The following SLC35D4 variants were observed in gnomAD, a reference collection of about 807,000 sequenced individuals.
SLC35D4 encodes solute carrier family 35 member D4.
At chr18:23,335,073 G>A in the SLC35D4 span, among the ~76,000 whole-genome samples, 2 of 151,926 alleles carry the variant, frequency 1.3e-5, no homozygotes, top group African/African-American at 4.8e-5. Flanking sequence ...TGTAAGAGAG[G>A]AGAGCAATTT....
At chr18:23,396,638 G>T in the SLC35D4 span, among the ~76,000 whole-genome samples, 1 of 152,012 alleles carries the variant, frequency 6.6e-6, no homozygotes, top group Non-Finnish European at 1.5e-5. Context: ...CTCTCAGCAG[G>T]GTGCATGGCC....
chr18:23,269,989 A>C, the SLC35D4 span, among the ~76,000 whole-genome samples: 1 of 152,246 alleles, frequency 6.6e-6, no homozygotes, highest in Non-Finnish European at 1.5e-5. Context: ...TAGCTGTATA[A>C]ATTTGCATAA....
At chr18:23,285,339 G>A in the SLC35D4 span, among the ~76,000 whole-genome samples, 1 of 151,362 alleles carries the variant, frequency 6.6e-6, no homozygotes, top group African/African-American at 2.4e-5. Context: ...CCCTTAGCCT[G>A]TGTTCTTAAG....
the SLC35D4 span, among the ~76,000 whole-genome samples, chr18:23,403,136 G>A: frequency 6.6e-6 from 1 of 152,056 alleles, no homozygotes; most frequent in Non-Finnish European, 1.5e-5. Context: ...AAGATTCCCT[G>A]ATTTATGTGA....
chr18:23,436,047 T>C, the SLC35D4 span, among the ~76,000 whole-genome samples: 13 of 150,196 alleles, frequency 8.7e-5, no homozygotes, highest in Admixed American at 3.3e-4. Context: ...TTTTTTTTTT[T>C]TTTTTTGAAA....
the SLC35D4 span, among the ~76,000 whole-genome samples, chr18:23,394,370 A>G: frequency 6.6e-6 from 1 of 152,178 alleles, no homozygotes; most frequent in Non-Finnish European, 1.5e-5. Flanking sequence ...AGAAATACCT[A>G]TTCAAGTCCT....
chr18:23,383,441 A>G, the SLC35D4 span, among the ~76,000 whole-genome samples: 1 of 151,768 alleles, frequency 6.6e-6, no homozygotes, highest in Non-Finnish European at 1.5e-5. Flanking sequence ...AGCGGGGGGA[A>G]TGGTGGAAAC....
chr18:23,285,657 G>C, the SLC35D4 span, among the ~76,000 whole-genome samples: 1 of 151,802 alleles, frequency 6.6e-6, no homozygotes, highest in Non-Finnish European at 1.5e-5. Flanking sequence ...CCCAAACGTC[G>C]CTGAGTCTTT....
chr18:23,261,744 C>A, the SLC35D4 span, among the ~76,000 whole-genome samples: 1 of 152,226 alleles, frequency 6.6e-6, no homozygotes, highest in Non-Finnish European at 1.5e-5. Context: ...CACCTTCTTA[C>A]AAAATAGGCT....
the SLC35D4 span, among the ~76,000 whole-genome samples, chr18:23,386,452 C>T: frequency 1.3e-5 from 2 of 152,112 alleles, no homozygotes; most frequent in Non-Finnish European, 2.9e-5. Flanking sequence ...CAGATTATCC[C>T]CTAGAGGCTC....
the SLC35D4 span, among the ~76,000 whole-genome samples, chr18:23,247,320 C>T: frequency 6.6e-6 from 1 of 152,258 alleles, no homozygotes; most frequent in Non-Finnish European, 1.5e-5. Flanking sequence ...GGACTGTCAT[C>T]CCCTCTGGAA....
At chr18:23,388,493 A>C in the SLC35D4 span, among the ~76,000 whole-genome samples, 1 of 152,232 alleles carries the variant, frequency 6.6e-6, no homozygotes, top group Admixed American at 6.5e-5. Flanking sequence ...AGGCCTGTCT[A>C]ACAGCAAAGC....
chr18:23,417,499 G>A, the SLC35D4 span, among the ~76,000 whole-genome samples: 1 of 152,106 alleles, frequency 6.6e-6, no homozygotes, highest in African/African-American at 2.4e-5. Flanking sequence ...AGCAGAACAG[G>A]GGTTACTAGG....
the SLC35D4 span, among the ~76,000 whole-genome samples, chr18:23,270,483 T>C: frequency 6.6e-6 from 1 of 152,156 alleles, no homozygotes; most frequent in African/African-American, 2.4e-5. Context: ...CACCGCCTAG[T>C]GGAACCATGA....
the SLC35D4 span, among the ~76,000 whole-genome samples, chr18:23,285,436 G>A: frequency 6.6e-6 from 1 of 151,950 alleles, no homozygotes; most frequent in African/African-American, 2.4e-5. Flanking sequence ...GAGACAAACT[G>A]GACAGTAGTT....
At chr18:23,320,388 G>T in the SLC35D4 span, among the ~76,000 whole-genome samples, 9 of 152,116 alleles carry the variant, frequency 5.9e-5, no homozygotes, top group Non-Finnish European at 1.2e-4. Context: ...GCACTGGATT[G>T]TCTCATTATT....
At chr18:23,345,321 A>G in the SLC35D4 span, among the ~76,000 whole-genome samples, 87 of 151,960 alleles carry the variant, frequency 5.7e-4, no homozygotes, top group Non-Finnish European at 1.1e-3. Flanking sequence ...GTCTCTACTA[A>G]AAATACAAAA....
the SLC35D4 span, chr18:23,385,093 T>G: frequency 1.3e-6 from 2 of 1,596,690 alleles, no homozygotes; most frequent in Non-Finnish European, 1.7e-6. Flanking sequence ...ATAAAAAACA[T>G]GAAAATATTT....
chr18:23,305,965 G>A, the SLC35D4 span, among the ~76,000 whole-genome samples: 2 of 152,166 alleles, frequency 1.3e-5, no homozygotes, highest in East Asian at 1.9e-4. Flanking sequence ...CAAGATGCAC[G>A]GTTACCTTTT....
Sources: allele counts gnomAD v4.1 joint callset (sites outside exome capture counted in the v4.1 genomes callset), GRCh38; gene constraint gnomAD v4.1.1; transcripts MANE v1.5; gene names NCBI Gene and HGNC (gene_info 2026-07-23, HGNC 2026-07-21).